MEF2A: variants seen among roughly 807,000 people sequenced by gnomAD.
MEF2A encodes myocyte-specific enhancer factor 2A.
A neutral mutation model predicts 55.8 loss-of-function variants in MEF2A; 28 were observed. That is an observed-to-expected ratio of 0.50 (90% CI 0.37 to 0.69). The LOEUF (loss-of-function observed/expected upper bound fraction) is 0.69, where lower values mean the gene tolerates loss of function less well. Ranked by LOEUF, MEF2A falls within the 30% of genes least tolerant of loss-of-function variation. MEF2A has a pLI of 0.00. For synonymous variants in MEF2A, 239 were observed against 227.1 expected (o/e 1.05, Z -0.47); for missense variants, 528 against 626.2 (o/e 0.84, Z 1.67).
chr15:99,594,459 CTTTTTTT>C (rs67846200), intron 1 of MEF2A, among the ~76,000 whole-genome samples: 5 of 124,364 alleles, frequency 4.0e-5, no homozygotes, highest in South Asian at 2.5e-4. Flanking sequence ...TCCTTTCTTT[CTTTTTTT>C]TTTTTTTTTT....
At chr15:99,611,007 C>G (rs1167646629) in intron 2 of MEF2A, among the ~76,000 whole-genome samples, 2 of 152,196 alleles carry the variant, frequency 1.3e-5, no homozygotes, top group African/African-American at 4.8e-5. Flanking sequence ...TTCGGGAGGC[C>G]GAGGTGGGTG....
At chr15:99,604,175 AT>A (rs1248279859) in intron 2 of MEF2A, among the ~76,000 whole-genome samples, 1 of 152,090 alleles carries the variant, frequency 6.6e-6, no homozygotes, top group Non-Finnish European at 1.5e-5. Flanking sequence ...TGCTGCCTAG[AT>A]TTTTTAGTTT....
chr15:99,569,531 A>G (rs1961203828), intron 1 of MEF2A, among the ~76,000 whole-genome samples: 1 of 152,218 alleles, frequency 6.6e-6, no homozygotes, highest in Non-Finnish European at 1.5e-5. Flanking sequence ...TTGATCTTCA[A>G]CCATAGTTTG....
At chr15:99,695,798 G>A (rs1306714065) in intron 8 of MEF2A, among the ~76,000 whole-genome samples, 2 of 151,584 alleles carry the variant, frequency 1.3e-5, no homozygotes, top group East Asian at 1.9e-4. Flanking sequence ...GGCGGAGGTT[G>A]CAGTGAGCCA....
At chr15:99,602,688 GTGTGTGTGTGT>G (rs1973602642) in intron 2 of MEF2A, among the ~76,000 whole-genome samples, 1 of 117,738 alleles carries the variant, frequency 8.5e-6, no homozygotes, top group Non-Finnish European at 1.8e-5. Context: ...GTGTGTGTGT[GTGTGTGTGTGT>G]AGGGGTGGGG....
At chr15:99,569,455 G>A (rs1194921178) in intron 1 of MEF2A, among the ~76,000 whole-genome samples, 7 of 152,262 alleles carry the variant, frequency 4.6e-5, no homozygotes, top group South Asian at 4.1e-4. Flanking sequence ...AAATATCCCA[G>A]CATCTTAAAT....
chr15:99,627,980 T>C (rs998841043), intron 2 of MEF2A, among the ~76,000 whole-genome samples: 1 of 152,154 alleles, frequency 6.6e-6, no homozygotes, highest in Non-Finnish European at 1.5e-5. Context: ...AAAAGAGAAA[T>C]GATTGGGGAT....
intron 2 of MEF2A, among the ~76,000 whole-genome samples, chr15:99,604,416 A>C (rs779128268): frequency 2.8e-4 from 42 of 152,300 alleles, no homozygotes; most frequent in Non-Finnish European, 1.5e-4. Context: ...TCTGCATTGA[A>C]TAATCCCATC....
Position 99,713,267 on chromosome 15 carries a change from T to G in MEF2A, c.*496T>G. On this transcript the variant is annotated 3_prime_UTR_variant, in exon 12 of 12. Transcript: ENST00000557942. ...TGTACATAAAATGTCATTTATATTT[T>G]CCAACCTGGCATGGGTGTCTGTTGC... is the stretch of plus-strand genomic sequence containing the variant. 2.8e-6 allele frequency: 1 copy of G among 363,296 alleles called. No individual in the cohort carries two copies. The allele number at this position is 363,296 out of a possible 1,614,324, so 22.5% of individuals were successfully genotyped here.
intron 1 of MEF2A, among the ~76,000 whole-genome samples, chr15:99,580,297 G>A (rs1032996760): frequency 3.3e-5 from 5 of 152,108 alleles, no homozygotes; most frequent in African/African-American, 4.8e-5. Context: ...AGGCTGTGCT[G>A]TGTGGTTTGG....
At chr15:99,638,299 G>A (rs949538924) in intron 3 of MEF2A, among the ~76,000 whole-genome samples, 1 of 151,278 alleles carries the variant, frequency 6.6e-6, no homozygotes, top group Non-Finnish European at 1.5e-5. Flanking sequence ...CTTTTCTTTT[G>A]TTGCTTTAAA....
intron 2 of MEF2A, among the ~76,000 whole-genome samples, chr15:99,618,974 A>C (rs563583746): frequency 6.6e-6 from 1 of 152,252 alleles, no homozygotes; most frequent in East Asian, 1.9e-4. Flanking sequence ...TACTGGATCT[A>C]GGAAGATCTA....
chr15:99,606,804 G>A (rs954808590), intron 2 of MEF2A, among the ~76,000 whole-genome samples: 2 of 152,172 alleles, frequency 1.3e-5, no homozygotes, highest in African/African-American at 4.8e-5. Flanking sequence ...CATACCCTGT[G>A]ATGCATTAAT....
In MEF2A at chr15:99,645,641, C is replaced by T; in HGVS notation, c.135C>T (p.Leu45=). Residue 45 remains leucine (L), a synonymous_variant, in exon 4 of 12, where the codon CTC becomes CTT. Transcript: ENST00000557942. ...LSVLCDCEIA[L]IIFNSSNKLF... ...TGCTCTGTGACTGTGAAATAGCACT[C>T]ATCATTTTCAACAGCTCTAACAAAC... 1 of 1,613,622 alleles carries T rather than the reference C, an allele frequency of 6.2e-7. No homozygotes were observed. Among genetic ancestry groups the T allele is most frequent in the Non-Finnish European group, 8.5e-7 (1 of 1,179,646 alleles).
intron 1 of MEF2A, among the ~76,000 whole-genome samples, chr15:99,574,456 A>G (rs1412483739): frequency 2.0e-5 from 3 of 152,184 alleles, no homozygotes; most frequent in Non-Finnish European, 2.9e-5. Context: ...ACAACTCACC[A>G]TAATGTAGAA....
At chr15:99,584,468 G>T in intron 1 of MEF2A, among the ~76,000 whole-genome samples, 1 of 152,172 alleles carries the variant, frequency 6.6e-6, no homozygotes. Context: ...ATAATAGGTT[G>T]TATTTCCACA....
chr15:99,582,333 T>C (rs1398512886), intron 1 of MEF2A, among the ~76,000 whole-genome samples: 1 of 152,100 alleles, frequency 6.6e-6, no homozygotes, highest in Non-Finnish European at 1.5e-5. Flanking sequence ...GGGGTAAAGA[T>C]TGTCCTTTCG....
intron 5 of MEF2A, among the ~76,000 whole-genome samples, chr15:99,673,046 G>A (rs2051185678): frequency 6.6e-6 from 1 of 152,134 alleles, no homozygotes; most frequent in South Asian, 2.1e-4. Flanking sequence ...ATATATTGAA[G>A]CTGATGGCAG....
chr15:99,575,193 A>G (rs1265370711), intron 1 of MEF2A, among the ~76,000 whole-genome samples: 1 of 152,228 alleles, frequency 6.6e-6, no homozygotes, highest in Non-Finnish European at 1.5e-5. Flanking sequence ...GATTCAAGAA[A>G]TTTAATATTG....
Sources: gnomAD v4.1 joint callset for allele counts (sites outside exome capture counted in the v4.1 genomes callset) on GRCh38, gnomAD v4.1.1 for gene constraint, MANE v1.5 for transcripts, NCBI Gene and HGNC (gene_info 2026-07-23, HGNC 2026-07-21) for gene names.